FGF12: variants seen among roughly 807,000 people sequenced by gnomAD.
FGF12 encodes the protein fibroblast growth factor 12B.
Under a neutral mutation model 23.6 loss-of-function variants are expected in FGF12, and 14 were observed. The observed-to-expected ratio is 0.59, with a 90% CI of 0.39 to 0.93. FGF12 has a LOEUF of 0.93. FGF12 is among the 40% of genes least tolerant of loss of function. The pLI is 0.00. For synonymous variants in FGF12, 62 were observed against 77.3 expected (o/e 0.80, Z 1.04); for missense variants, 175 against 217.8 (o/e 0.80, Z 1.24).
At chr3:192,313,047 A>T (rs1716041400) in intron 4 of FGF12, among the ~76,000 whole-genome samples, 1 of 152,204 alleles carries the variant, frequency 6.6e-6, no homozygotes, top group Non-Finnish European at 1.5e-5. Flanking sequence ...CTTAAGTATT[A>T]CATCCTTAAA....
chr3:192,292,294 C>A (rs573835925), intron 4 of FGF12, among the ~76,000 whole-genome samples: 3 of 151,550 alleles, frequency 2.0e-5, no homozygotes, highest in Non-Finnish European at 4.4e-5. Context: ...GAATACCAAA[C>A]AATTTTTTTT....
At chr3:192,234,202 T>G (rs1474413323) in intron 4 of FGF12, among the ~76,000 whole-genome samples, 3 of 152,190 alleles carry the variant, frequency 2.0e-5, no homozygotes, top group Non-Finnish European at 1.5e-5. Flanking sequence ...TGAATGTTTT[T>G]CTTTTTGTTT....
rs115295122 is a variant in FGF12 at position 192,488,393 on chromosome 3, G to A, written c.14-127855C>T. 3.9e-3 allele frequency among the ~76,000 whole-genome samples: 590 copies of A among 152,098 alleles called. 3 individuals are homozygous for A. The highest frequency in any genetic ancestry group is 0.014 in the African/African-American group (574 of 41,512). On this transcript the variant is annotated intron_variant, in intron 2 of 5. Coordinates refer to ENST00000445105, the MANE Select transcript of FGF12 (RefSeq NM_004113.6). ...GTCTAAATTGTATCTTCCAATCACA[G>A]TCACATTTCTTTCCTCTTCTTCCTC... is the stretch of plus-strand genomic sequence containing the variant.
In FGF12 at chr3:192,408,288, G is replaced by A; in HGVS notation, c.14-47750C>T. 1 of 1,486,442 alleles carries A rather than the reference G, an allele frequency of 6.7e-7. No individual in the cohort carries two copies. The highest frequency in any genetic ancestry group is 8.9e-7 in the Non-Finnish European group (1 of 1,123,324). 92.1% of individuals were successfully genotyped at this position (1,486,442 alleles called of 1,614,324 possible). A position where few individuals can be genotyped will look rare whatever the true frequency, so the allele number is the denominator to read the frequency against. ...GCCCTCCGGCTTGCGCTCCGCCGGGGCGAGGGCAGGACCTGGGCGGCCAGG... is the reference window on the plus strand; with the variant it reads ...GCCCTCCGGCTTGCGCTCCGCCGGGACGAGGGCAGGACCTGGGCGGCCAGG... On this transcript the variant is annotated intron_variant, in intron 2 of 5. Transcript: ENST00000445105. The surrounding 1 kb of genome is among the most constrained non-coding windows in gnomAD (Gnocchi z 7.3).
chr3:192,304,727 C>T (rs1482079266), intron 4 of FGF12, among the ~76,000 whole-genome samples: 1 of 152,170 alleles, frequency 6.6e-6, no homozygotes, highest in African/African-American at 2.4e-5. Flanking sequence ...ATCAGTAAGA[C>T]TTACTGACAA....
At chr3:192,645,142 T>C (rs1468609680) in intron 2 of FGF12, among the ~76,000 whole-genome samples, 3 of 152,088 alleles carry the variant, frequency 2.0e-5, no homozygotes, top group Non-Finnish European at 2.9e-5. Context: ...AGTAATGAAG[T>C]TGGGATCTCA....
intron 2 of FGF12, among the ~76,000 whole-genome samples, chr3:192,630,505 T>G (rs1278951558): frequency 6.6e-6 from 1 of 151,610 alleles, no homozygotes; most frequent in African/African-American, 2.4e-5. Context: ...CTTCCACGCT[T>G]CCTGTGCTCT....
At chr3:192,478,502 A>C (rs1412265910) in intron 2 of FGF12, among the ~76,000 whole-genome samples, 1 of 152,184 alleles carries the variant, frequency 6.6e-6, no homozygotes, top group Non-Finnish European at 1.5e-5. Flanking sequence ...TGTAAAGGTA[A>C]AGAATTATAC....
intron 2 of FGF12, among the ~76,000 whole-genome samples, chr3:192,368,290 T>A (rs1719075406): frequency 6.6e-6 from 1 of 152,108 alleles, no homozygotes; most frequent in African/African-American, 2.4e-5. Context: ...TAACTGAGGA[T>A]AAAACATAAA....
chr3:192,159,988 C>T (rs1714777058), intron 5 of FGF12, among the ~76,000 whole-genome samples: 1 of 150,164 alleles, frequency 6.7e-6, no homozygotes, highest in African/African-American at 2.5e-5. Flanking sequence ...GTACACATTT[C>T]AGCACACAGA....
At chr3:192,424,364 C>T (rs191716816) in intron 2 of FGF12, among the ~76,000 whole-genome samples, 9 of 152,290 alleles carry the variant, frequency 5.9e-5, no homozygotes, top group African/African-American at 2.2e-4. Flanking sequence ...GTTTGCAAAA[C>T]ATCTGGTGCA....
chr3:192,275,684 G>T (rs944604429), intron 4 of FGF12, among the ~76,000 whole-genome samples: 5 of 152,158 alleles, frequency 3.3e-5, no homozygotes, highest in Admixed American at 6.6e-5. Context: ...GGAATGGTAA[G>T]ATATCCTTTT....
chr3:192,167,768 TAAA>T (rs1216698985), intron 5 of FGF12, among the ~76,000 whole-genome samples: 2,114 of 25,544 alleles, frequency 0.083, 276 homozygotes, highest in East Asian at 0.24. Flanking sequence ...TATATATATA[TAAA>T]ATTTTTTTTT....
intron 2 of FGF12, among the ~76,000 whole-genome samples, chr3:192,627,893 A>G (rs751385802): frequency 1.3e-4 from 18 of 141,394 alleles, no homozygotes; most frequent in Non-Finnish European, 2.6e-4. Flanking sequence ...GTTATATACA[A>G]TTTTATCATA....
intron 2 of FGF12, among the ~76,000 whole-genome samples, chr3:192,565,518 CAT>C (rs1405381177): frequency 2.6e-5 from 4 of 152,150 alleles, no homozygotes; most frequent in African/African-American, 7.2e-5. Context: ...TCTTTGTTTA[CAT>C]ATGTTTAGAT....
At chr3:192,368,232 G>C (rs972063202) in intron 2 of FGF12, among the ~76,000 whole-genome samples, 3 of 152,162 alleles carry the variant, frequency 2.0e-5, no homozygotes, top group African/African-American at 7.2e-5. Context: ...ACATAGATGT[G>C]AAGCTGGAAA....
intron 2 of FGF12, among the ~76,000 whole-genome samples, chr3:192,501,308 A>G (rs1436152069): frequency 1.3e-5 from 2 of 152,206 alleles, no homozygotes; most frequent in African/African-American, 4.8e-5. Context: ...TGAAATAAAT[A>G]TGACATAAAG....
At chr3:192,226,732 C>T (rs1718754745) in intron 4 of FGF12, among the ~76,000 whole-genome samples, 1 of 152,038 alleles carries the variant, frequency 6.6e-6, no homozygotes, top group Non-Finnish European at 1.5e-5. Context: ...GGTGAATATA[C>T]TTAACTACAA....
Position 192,592,386 on chromosome 3 carries a change from C to T in FGF12, c.13+134795G>A, listed in dbSNP as rs943968526. Among the ~76,000 whole-genome samples, 3 of 151,878 alleles carry T rather than the reference C, an allele frequency of 2.0e-5. 1 individual carries two copies. Among genetic ancestry groups the T allele is most frequent in the Non-Finnish European group, 2.9e-5 (2 of 67,914 alleles). ...CTTATTTGTCTACTGCCACCAGCAT[C>T]TCTGGCCCTTTCACGGGTCCTGGTA... On this transcript the variant is annotated intron_variant, in intron 2 of 5. Coordinates refer to ENST00000445105, the MANE Select transcript of FGF12 (RefSeq NM_004113.6).
Sources: allele counts gnomAD v4.1 joint callset (sites outside exome capture counted in the v4.1 genomes callset), GRCh38; gene constraint gnomAD v4.1.1; non-coding constraint Gnocchi (gnomAD v3.1); transcripts MANE v1.5; gene names NCBI Gene and HGNC (gene_info 2026-07-23, HGNC 2026-07-21).